The following RP1 variants were observed in gnomAD, a reference collection of about 807,000 sequenced individuals.
RP1 encodes the protein oxygen-regulated protein 1.
RP1 carries 16 observed loss-of-function variants against 14.8 expected under a neutral mutation model. The observed-to-expected ratio is 1.08, with a 90% confidence interval of 0.73 to 1.65. The LOEUF is 1.65. RP1 is among the 40% of genes most tolerant of loss of function. The pLI, the probability that RP1 is intolerant of heterozygous loss-of-function variation, is 0.00. For missense variants in RP1, 2,631 were observed against 2,535.0 expected, an observed-to-expected ratio of 1.04 and a Z score of -0.81; for synonymous variants, 876 against 883.6, an observed-to-expected ratio of 0.99 and a Z score of 0.15.
intron 3 of RP1, among the ~76,000 whole-genome samples, chr8:54,646,722 T>A (rs1806558004): frequency 6.6e-6 from 1 of 152,220 alleles, no homozygotes; most frequent in African/African-American, 2.4e-5. Flanking sequence ...TTCATTTTTA[T>A]TTCCATTCTT....
Position 54,741,735 on chromosome 8 carries a change from A to ATATG in RP1, c.2808+2709_2808+2710insGTAT, listed in dbSNP as rs1554528884. Among the ~76,000 whole-genome samples, 5 of 136,942 alleles carry ATATG rather than the reference A, an allele frequency of 3.7e-5. 1 individual carries two copies. The highest frequency in any genetic ancestry group is 1.3e-4 in the African/African-American group (5 of 37,416). The allele number at this position is 136,942 out of a possible 152,430, so 89.8% of individuals were successfully genotyped here. A position where few individuals can be genotyped will look rare whatever the true frequency, so the allele number is the denominator to read the frequency against. On this transcript the variant is annotated intron_variant, in intron 19 of 22. Coordinates refer to the RP1 transcript ENST00000636932. Reference sequence around the variant, plus strand: ...TATATATATATATATATATATATATATATATATATATATATGTTTATATGT... The same window carrying ATATG: ...TATATATATATATATATATATATATATATGTATATATATATATATGTTTATATGT...
intron 24 of RP1, among the ~76,000 whole-genome samples, chr8:54,798,266 C>T (rs542737567): frequency 6.6e-6 from 1 of 152,260 alleles, no homozygotes; most frequent in East Asian, 1.9e-4. Flanking sequence ...CCTGCTTCGG[C>T]CTCTCAAAGT....
chr8:54,656,449 T>C (rs569612494), intron 6 of RP1, among the ~76,000 whole-genome samples: 1 of 152,268 alleles, frequency 6.6e-6, no homozygotes, highest in South Asian at 2.1e-4. Context: ...CTGAAATGCT[T>C]CTTAATCAAA....
rs558218271 is a variant in RP1, at chr8:54,845,819, T to C, written c.3836-6755T>C. On this transcript the variant is annotated intron_variant, in intron 25 of 28. Transcript: ENST00000637698. ...GCTCCTTTGCTTCTGGGGCCAAAAT[T>C]CTGTGGTCCTCAGTACTTCTTTGCT... Among the ~76,000 whole-genome samples, 12 of 152,320 alleles carry C rather than the reference T, an allele frequency of 7.9e-5. No individual in the cohort carries two copies. The East Asian group carries it at 2.1e-3, about 27-fold the overall frequency.
rs1298704594 is a variant in RP1 at position 54,626,004 on chromosome 8, A to G, written c.2122A>G (p.Ile708Val). Residue 708 changes from isoleucine to valine, a missense_variant, in exon 4 of 4, where the codon ATT (isoleucine) becomes GTT (valine). Physicochemically the swap from Ile to Val is conservative, Grantham distance 29. Transcript: ENST00000220676. ...KNERINTKGR[I>V]TKEMIVQDSD... ...TGAGAGAATAAACACAAAAGGTAGA[A>G]TTACAAAGGAAATGATAGTGCAAGA... The G allele has an allele frequency of 6.2e-7, 1 of 1,614,024 alleles. No homozygotes were observed. Among genetic ancestry groups the G allele is most frequent in the Admixed American group, 1.7e-5 (1 of 60,028 alleles).
At chr8:54,857,289 A>G (rs1465401329) in intron 27 of RP1, among the ~76,000 whole-genome samples, 1 of 147,720 alleles carries the variant, frequency 6.8e-6, no homozygotes, top group Non-Finnish European at 1.5e-5. Flanking sequence ...TACATTGAAT[A>G]TATTATAATT....
chr8:54,656,166 A>C (rs1377205175), exon 6 of RP1: 1 of 1,535,756 alleles, frequency 6.5e-7, no homozygotes, highest in South Asian at 1.2e-5. Flanking sequence ...AGGATGGGGA[A>C]ATCTGTCGAG....
chr8:54,797,289 T>A (rs1039727953), intron 24 of RP1, among the ~76,000 whole-genome samples: 1 of 152,156 alleles, frequency 6.6e-6, no homozygotes, highest in Non-Finnish European at 1.5e-5. Context: ...CTCTTCATCA[T>A]CTTTGAGACT....
intron 22 of RP1, among the ~76,000 whole-genome samples, chr8:54,768,027 C>A (rs1055885450): frequency 7.9e-5 from 12 of 152,198 alleles, no homozygotes; most frequent in African/African-American, 2.9e-4. Flanking sequence ...GTGGTGACGT[C>A]AGTCCTACAG....
intron 15 of RP1, among the ~76,000 whole-genome samples, chr8:54,711,149 A>AATACTGTT (rs1449571060): frequency 1.3e-5 from 2 of 152,146 alleles, no homozygotes; most frequent in African/African-American, 4.8e-5. Flanking sequence ...TTACAGAGAA[A>AATACTGTT]ATACTGTTAC....
At chr8:54,582,547 T>C (rs570153413) in intron 1 of RP1, among the ~76,000 whole-genome samples, 34 of 152,134 alleles carry the variant, frequency 2.2e-4, no homozygotes, top group African/African-American at 7.5e-4. Context: ...AAGAAAGTCA[T>C]TGGTAGCTTG....
At chr8:54,786,659 T>G (rs1481264270) in intron 24 of RP1, among the ~76,000 whole-genome samples, 1 of 152,140 alleles carries the variant, frequency 6.6e-6, no homozygotes, top group Non-Finnish European at 1.5e-5. Flanking sequence ...TAATTCCATT[T>G]CAATAATTTT....
In RP1 at chr8:54,782,046, C is replaced by T. The variant is rs775540564; in HGVS notation, c.3452-1501C>T. On this transcript the variant is annotated intron_variant, in intron 23 of 28. Coordinates refer to the RP1 transcript ENST00000637698. Reference sequence around the variant, plus strand: ...ATAAGGATGAGATAGGAAAGAAGACCTACAAAAAAGGAAAGAGATCCTTCA... The same window carrying T: ...ATAAGGATGAGATAGGAAAGAAGACTTACAAAAAAGGAAAGAGATCCTTCA... Among the ~76,000 whole-genome samples the T allele has an allele frequency of 6.6e-5, 10 of 152,018 alleles. No homozygotes were observed. The South Asian group carries it at 2.1e-3, about 32-fold the overall frequency.
intron 1 of RP1, among the ~76,000 whole-genome samples, chr8:54,585,925 C>T (rs971066798): frequency 6.6e-6 from 1 of 152,176 alleles, no homozygotes; most frequent in Non-Finnish European, 1.5e-5. Context: ...TTTTTAACTT[C>T]TTTGCCATGG....
At chr8:54,573,061 C>T (rs1804563722) in intron 1 of RP1, among the ~76,000 whole-genome samples, 4 of 152,158 alleles carry the variant, frequency 2.6e-5, no homozygotes, top group Admixed American at 2.6e-4. Context: ...ATGTCCTCTC[C>T]TGCTATTGTA....
chr8:54,739,197 A>C (rs1409332265), intron 19 of RP1, among the ~76,000 whole-genome samples: 1 of 152,192 alleles, frequency 6.6e-6, no homozygotes, highest in Non-Finnish European at 1.5e-5. Flanking sequence ...TCCTAAGTCA[A>C]AAATGAATTT....
At chr8:54,767,361 C>CTT (rs951988214) in intron 22 of RP1, among the ~76,000 whole-genome samples, 9 of 138,520 alleles carry the variant, frequency 6.5e-5, no homozygotes, top group East Asian at 4.2e-4. Context: ...AGTCTGTATT[C>CTT]TTTTTTTTTT....
intron 24 of RP1, among the ~76,000 whole-genome samples, chr8:54,820,556 T>G (rs1184661039): frequency 2.6e-5 from 4 of 152,146 alleles, no homozygotes; most frequent in Admixed American, 2.6e-4. Context: ...TGCTCTGCTG[T>G]GACAGGGCAG....
chr8:54,691,610 G>T (rs564304183), intron 12 of RP1, among the ~76,000 whole-genome samples: 8 of 152,008 alleles, frequency 5.3e-5, no homozygotes, highest in African/African-American at 1.4e-4. Flanking sequence ...CCCAGGGAGC[G>T]AGAAGAAGAG....
Sources: gnomAD v4.1 joint callset for allele counts (sites outside exome capture counted in the v4.1 genomes callset) on GRCh38, gnomAD v4.1.1 for gene constraint, MANE v1.5 for transcripts, NCBI Gene and HGNC (gene_info 2026-07-23, HGNC 2026-07-21) for gene names.